UGT1A4: variants seen among roughly 807,000 people sequenced by gnomAD.
UGT1A4 encodes the protein UDP glucuronosyltransferase family 1 member A4.
UGT1A4 carries 32 observed loss-of-function variants against 41.1 expected under a neutral mutation model. The ratio of observed to expected loss-of-function variants is 0.78; its 90% CI spans 0.59 to 1.05. The LOEUF is 1.05. Among genes scored for constraint, UGT1A4 ranks in the 50% least tolerant of loss-of-function variants. UGT1A4 has a pLI of 0.00. For synonymous variants in UGT1A4, 283 were observed against 265.1 expected, an observed-to-expected ratio of 1.07 and a Z score of -0.66; for missense variants, 748 against 677.4, an observed-to-expected ratio of 1.10 and a Z score of -1.16.
intron 1 of UGT1A4, among the ~76,000 whole-genome samples, chr2:233,754,013 A>G (rs1002247904): frequency 2.0e-5 from 3 of 152,240 alleles, no homozygotes; most frequent in African/African-American, 7.2e-5. Flanking sequence ...TGTTACAGCC[A>G]TGATAGGAAA....
At position 233,719,191 on chromosome 2, in the gene UGT1A4, T is replaced by A. The variant is rs1353737147; in HGVS notation, c.371T>A (p.Leu124His). Residue 124 changes from leucine (L) to histidine (H), a missense_variant, in exon 1 of 5, where the codon CTT (leucine) becomes CAT (histidine). Leu to His is a moderately conservative substitution (Grantham distance 99). Coordinates refer to ENST00000373409, the MANE Select transcript of UGT1A4 (RefSeq NM_007120.3). ...ATTATGAACAATGTATCTTTGGCCCTTCATAGGTGTTGTGTGGAGCTACTG... is the reference window on the plus strand; with the variant it reads ...ATTATGAACAATGTATCTTTGGCCCATCATAGGTGTTGTGTGGAGCTACTG... The part of the protein sequence containing the change: ...MAIMNNVSLA[L>H]HRCCVELLHN... 6.2e-7 allele frequency: 1 copy of A among 1,614,228 alleles called. No individual in the cohort carries two copies. Among genetic ancestry groups the A allele is most frequent in the Admixed American group, 1.7e-5 (1 of 60,028 alleles).
At position 233,760,448 on chromosome 2, in the gene UGT1A4, G is replaced by T. The variant is rs770426284; in HGVS notation, c.868-6586G>T. On this transcript the variant is annotated intron_variant, in intron 1 of 4. Coordinates refer to ENST00000373409, the MANE Select transcript of UGT1A4 (RefSeq NM_007120.3). ...GCCATCCAGCAGCTGCAGCAGAGGGGACATGAAATAGTTGTCCTAGCACCT... is the reference window on the plus strand; with the variant it reads ...GCCATCCAGCAGCTGCAGCAGAGGGTACATGAAATAGTTGTCCTAGCACCT... The T allele has an allele frequency of 1.2e-5, 19 of 1,614,238 alleles. No individual in the cohort carries two copies. In the Middle Eastern group the frequency reaches 1.3e-3, roughly 112 times the overall value.
chr2:233,719,875 G>A (rs1258647724), intron 1 of UGT1A4, among the ~76,000 whole-genome samples, 188 bp downstream of exon 1: 1 of 152,206 alleles, frequency 6.6e-6, no homozygotes, highest in Non-Finnish European at 1.5e-5. Context: ...AGGAAGAAGA[G>A]GCACGGATGA....
rs189902631 is a variant in UGT1A4, at chr2:233,721,408, A to T, written c.867+1721A>T. ...CATTTTTCTAGCTATGTGACCTAGG[A>T]CAGGTACCCTAAGCATTGTGGTTTT... is the stretch of plus-strand genomic sequence containing the variant. On this transcript the variant is annotated intron_variant, in intron 1 of 4. Coordinates refer to ENST00000373409, the MANE Select transcript of UGT1A4 (RefSeq NM_007120.3). 676 of 155,018 alleles carry T rather than the reference A, an allele frequency of 4.4e-3. 10 individuals are homozygous for T. The highest frequency in any genetic ancestry group is 0.015 in the African/African-American group (639 of 41,588). 9.6% of individuals were successfully genotyped at this position (155,018 alleles called of 1,614,324 possible).
At chr2:233,724,647 T>C (rs1247687172) in intron 1 of UGT1A4, among the ~76,000 whole-genome samples, 4 of 137,372 alleles carry the variant, frequency 2.9e-5, no homozygotes, top group African/African-American at 1.1e-4. Context: ...TGATGGCGGC[T>C]GGGAAGAGGC....
At position 233,718,766 on chromosome 2, in the gene UGT1A4, A is replaced by G; in HGVS notation, c.-55A>G. 1 of 1,612,768 alleles carries G rather than the reference A, an allele frequency of 6.2e-7. No individual in the cohort carries two copies. The highest frequency in any genetic ancestry group is 8.5e-7 in the Non-Finnish European group (1 of 1,179,988). ...CAAGGTAATTAAGGCGAAGGAAACA[A>G]ATGTAGCAGGCACAGCGTGGGGTGG... is the stretch of plus-strand genomic sequence containing the variant. On this transcript the variant is annotated 5_prime_UTR_variant, in exon 1 of 5. Coordinates refer to ENST00000373409, the MANE Select transcript of UGT1A4 (RefSeq NM_007120.3).
intron 1 of UGT1A4, chr2:233,752,621 T>G (rs1428833052): frequency 6.6e-6 from 1 of 152,162 alleles, no homozygotes; most frequent in African/African-American, 2.4e-5. Flanking sequence ...TAGCTAGGTG[T>G]GGTAGCTGTT....
At chr2:233,733,659 C>T (rs1240175939) in intron 1 of UGT1A4, among the ~76,000 whole-genome samples, 3 of 152,202 alleles carry the variant, frequency 2.0e-5, no homozygotes, top group Non-Finnish European at 2.9e-5. Context: ...ATGAAGCCGA[C>T]TTGATCGATG....
In UGT1A4 at chr2:233,743,703, C is replaced by T. The variant is rs200396442; in HGVS notation, c.868-23331C>T. 2.1e-4 allele frequency: 292 copies of T among 1,367,370 alleles called. 6 individuals are homozygous for T. Among genetic ancestry groups the T allele is most frequent in the African/African-American group, 1.2e-3 (81 of 67,578 alleles). 84.7% of individuals were successfully genotyped at this position (1,367,370 alleles called of 1,614,324 possible). On this transcript the variant is annotated intron_variant, in intron 1 of 4. Coordinates refer to ENST00000373409, the MANE Select transcript of UGT1A4 (RefSeq NM_007120.3). ...CCGCCTGTGCAGCCGCCCTCCGCCCCCGCCTCGCCATAGCGGTCATAGATA... is the reference window on the plus strand; with the variant it reads ...CCGCCTGTGCAGCCGCCCTCCGCCCTCGCCTCGCCATAGCGGTCATAGATA...
rs376887521 is a variant in UGT1A4 at position 233,757,535 on chromosome 2, A to AATATATATACATATACATATATATATAT, written c.868-9490_868-9489insCATATACATATATATATATATATATATA. ...CAAAGCCAAAATCTTGCCTGTAAGG[A>AATATATATACATATACATATATATATAT]ATATATATATATATATATATATATA... On this transcript the variant is annotated intron_variant, in intron 1 of 4. Transcript: ENST00000373409. 4.4e-3 allele frequency among the ~76,000 whole-genome samples: 377 copies of AATATATATACATATACATATATATATAT among 85,820 alleles called. 6 individuals carry two copies. The highest frequency in any genetic ancestry group is 5.9e-3 in the Middle Eastern group (1 of 170). The allele number at this position is 85,820 out of a possible 152,430, so 56.3% of individuals were successfully genotyped here. A position where few individuals can be genotyped will look rare whatever the true frequency, so the allele number is the denominator to read the frequency against.
At chr2:233,744,873 T>C (rs991695756) in intron 1 of UGT1A4, among the ~76,000 whole-genome samples, 13 of 151,922 alleles carry the variant, frequency 8.6e-5, no homozygotes, top group African/African-American at 3.2e-4. Context: ...AAGGGATTAG[T>C]TTAGGACAAC....
rs371763780 is a variant in UGT1A4 at position 233,751,446 on chromosome 2, A to G, written c.868-15588A>G. Among the ~76,000 whole-genome samples, 1,356 of 152,090 alleles carry G rather than the reference A, an allele frequency of 8.9e-3. 29 individuals are homozygous for G. Among genetic ancestry groups the G allele is most frequent in the African/African-American group, 0.031 (1,276 of 41,348 alleles). On this transcript the variant is annotated intron_variant, in intron 1 of 4. Transcript: ENST00000373409. Reference sequence around the variant, plus strand: ...TGCTGAAATGAGTTAAGACTTTGGAAGATTGTTGGGAAGGCACGATTGGTT... The same window carrying G: ...TGCTGAAATGAGTTAAGACTTTGGAGGATTGTTGGGAAGGCACGATTGGTT...
Position 233,719,292 on chromosome 2 carries a change from G to A in UGT1A4, c.472G>A (p.Gly158Arg), listed in dbSNP as rs146073833. 838 of 1,613,610 alleles carry A rather than the reference G, an allele frequency of 5.2e-4. 5 individuals are homozygous for A. The African/African-American group carries it at 8.5e-3, about 16-fold the overall frequency. The change falls in exon 1 of 5, where the codon GGG becomes AGG. Residue 158 changes from glycine to arginine, a missense_variant. Transcript: ENST00000373409. ...VVLTDPVNLCGAVLAKYLSIP... is the reference protein window; with the variant it reads ...VVLTDPVNLCRAVLAKYLSIP... ...TTTAACAGACCCCGTTAACCTCTGTGGGGCGGTGCTGGCTAAGTACCTGTC... is the reference window on the plus strand; with the variant it reads ...TTTAACAGACCCCGTTAACCTCTGTAGGGCGGTGCTGGCTAAGTACCTGTC...
intron 1 of UGT1A4, among the ~76,000 whole-genome samples, chr2:233,724,368 T>A (rs1161929215): frequency 7.9e-6 from 1 of 127,164 alleles, no homozygotes; most frequent in Non-Finnish European, 1.7e-5. Context: ...CCGGACGGGG[T>A]GGCTGCCGGG....
In UGT1A4 at chr2:233,767,782, A is replaced by G. The variant is rs1404728252; in HGVS notation, c.1000-67A>G. The G allele has an allele frequency of 3.7e-6, 6 of 1,613,376 alleles. No individual in the cohort carries two copies. In the African/African-American group the frequency reaches 4.0e-5, roughly 11 times the overall value. ...AGAGGACCCCTGTTTTCTAGTTAGT[A>G]TAGCAGATTTGTTTTCTAATCATAT... is the stretch of plus-strand genomic sequence containing the variant. On this transcript the variant is annotated intron_variant, in intron 2 of 4. Coordinates refer to ENST00000373409, the MANE Select transcript of UGT1A4 (RefSeq NM_007120.3).
At chr2:233,749,829 T>G (rs758485445) in intron 1 of UGT1A4, among the ~76,000 whole-genome samples, 2 of 151,956 alleles carry the variant, frequency 1.3e-5, no homozygotes, top group Non-Finnish European at 2.9e-5. Context: ...CTCTCTTTCA[T>G]GTAAGACGTG....
intron 4 of UGT1A4, chr2:233,770,334 G>T (rs1260169235): frequency 6.6e-6 from 1 of 152,106 alleles, no homozygotes; most frequent in East Asian, 1.9e-4. Flanking sequence ...GGCCATAATA[G>T]GTGCTCAATT....
rs563417082 is a variant in UGT1A4, at chr2:233,769,495, G to C, written c.1307+1056G>C. ...TGTGTGTGTGCGTGTGTTTATGAGA[G>C]TGTCCATTGCTTTCTCCCATGGTTA... is the stretch of plus-strand genomic sequence containing the variant. On this transcript the variant is annotated intron_variant, in intron 4 of 4. Transcript: ENST00000373409. The surrounding 1 kb of genome is among the most constrained non-coding windows in gnomAD (Gnocchi z 4.4). 1.4e-5 allele frequency: 23 copies of C among 1,612,758 alleles called. No individual in the cohort carries two copies. The South Asian group carries it at 2.2e-4, about 15-fold the overall frequency.
chr2:233,754,969 T>G (rs1369050195), intron 1 of UGT1A4: 1 of 1,302,528 alleles, frequency 7.7e-7, no homozygotes, highest in East Asian at 4.6e-5. Flanking sequence ...AAGAACTCCC[T>G]GAAGACCTCG....
Sources: gnomAD v4.1 joint callset for allele counts (sites outside exome capture counted in the v4.1 genomes callset) on GRCh38, gnomAD v4.1.1 for gene constraint, Gnocchi (gnomAD v3.1) non-coding constraint, MANE v1.5 for transcripts, NCBI Gene and HGNC (gene_info 2026-07-23, HGNC 2026-07-21) for gene names.